CPNE4: variants seen among roughly 807,000 people sequenced by gnomAD.
The protein encoded by CPNE4 is copine 4, also known as copine-4.
Under a neutral mutation model 67.9 loss-of-function variants are expected in CPNE4, and 25 were observed. The observed-to-expected ratio is 0.37, with a 90% CI of 0.27 to 0.51. CPNE4 has a LOEUF of 0.51. Among genes scored for constraint, CPNE4 ranks in the 20% least tolerant of loss-of-function variants. The probability of loss-of-function intolerance (pLI) is 0.93; values close to 1 mark genes in which losing one functional copy is unlikely to be tolerated. For missense variants in CPNE4, 464 were observed against 690.8 expected (o/e 0.67, Z 3.68); for synonymous variants, 242 against 244.9 (o/e 0.99, Z 0.11).
At position 131,683,115 on chromosome 3, in the gene CPNE4, A is replaced by G. The variant is rs926395289; in HGVS notation, c.591+2760T>C. 2.0e-5 allele frequency among the ~76,000 whole-genome samples: 3 copies of G among 152,124 alleles called. No individual in the cohort carries two copies. The East Asian group carries it at 5.8e-4, about 29-fold the overall frequency. Reference sequence around the variant, plus strand: ...TTTAATCGGGGACCCCAAGAGCCCAATTGCTGCTCTATCTCACTGTGGCTG... The same window carrying G: ...TTTAATCGGGGACCCCAAGAGCCCAGTTGCTGCTCTATCTCACTGTGGCTG... On this transcript the variant is annotated intron_variant, in intron 6 of 15. Transcript: ENST00000429747.
chr3:131,541,868 A>C (rs186005287), intron 15 of CPNE4, among the ~76,000 whole-genome samples: 8 of 152,106 alleles, frequency 5.3e-5, no homozygotes, highest in East Asian at 3.9e-4. Flanking sequence ...ATGGAGTTTT[A>C]CCATGTTGGT....
At chr3:131,656,817 C>T (rs904694843) in intron 7 of CPNE4, among the ~76,000 whole-genome samples, 6 of 152,244 alleles carry the variant, frequency 3.9e-5, no homozygotes, top group African/African-American at 7.2e-5. Context: ...GTATGAACAA[C>T]GAAGTCTGAG....
At chr3:131,611,413 C>G (rs1939834531) in intron 7 of CPNE4, among the ~76,000 whole-genome samples, 1 of 152,160 alleles carries the variant, frequency 6.6e-6, no homozygotes, top group Admixed American at 6.5e-5. Context: ...TGTATAAATG[C>G]TTGTCATTGG....
chr3:132,036,233 C>A, upstream of CPNE4, among the ~76,000 whole-genome samples: 1 of 152,224 alleles, frequency 6.6e-6, no homozygotes, highest in Non-Finnish European at 1.5e-5. Context: ...GAAACTACCA[C>A]AGAAATCCTT....
chr3:131,633,132 T>A (rs1243651808), intron 7 of CPNE4, among the ~76,000 whole-genome samples: 1 of 152,216 alleles, frequency 6.6e-6, no homozygotes, highest in Non-Finnish European at 1.5e-5. Context: ...CCACATCAAA[T>A]CTTTCAGGAA....
intron 3 of CPNE4, among the ~76,000 whole-genome samples, chr3:131,717,889 T>C (rs879314925): frequency 0.036 from 1,687 of 47,240 alleles, 135 homozygotes; most frequent in East Asian, 0.11. Context: ...TTTCTTTCTT[T>C]CTTTCTTTCT....
chr3:131,566,185 G>C (rs1046670654), intron 10 of CPNE4, among the ~76,000 whole-genome samples: 7 of 151,894 alleles, frequency 4.6e-5, no homozygotes, highest in African/African-American at 1.7e-4. Flanking sequence ...TTGGCCTGGA[G>C]GTAGGGAGAC....
At chr3:131,601,773 G>C (rs1939220154) in intron 7 of CPNE4, among the ~76,000 whole-genome samples, 1 of 152,038 alleles carries the variant, frequency 6.6e-6, no homozygotes, top group African/African-American at 2.4e-5. Flanking sequence ...CAGATTACAT[G>C]CCCCAGAGAT....
rs545193517 is a variant in CPNE4, at chr3:131,952,608, G to A, written c.-1-47164C>T. On this transcript the variant is annotated intron_variant, in intron 1 of 15. Coordinates refer to ENST00000429747, the MANE Select transcript of CPNE4 (RefSeq NM_130808.3). ...CCCCGCCCGGCCAGCCGCCCCGTCC[G>A]GAGGGAGGTGGGGGGGTCAGCCCCC... Among the ~76,000 whole-genome samples, 113 of 14,626 alleles carry A rather than the reference G, an allele frequency of 7.7e-3. 2 individuals are homozygous for A. Among genetic ancestry groups the A allele is most frequent in the Admixed American group, 0.024 (16 of 674 alleles). The allele number at this position is 14,626 out of a possible 152,430, so 9.6% of individuals were successfully genotyped here.
At chr3:131,752,440 G>T (rs1033479739) in intron 2 of CPNE4, among the ~76,000 whole-genome samples, 1 of 152,086 alleles carries the variant, frequency 6.6e-6, no homozygotes, top group African/African-American at 2.4e-5. Flanking sequence ...AATGTTTGCT[G>T]GTTGTTGGCT....
chr3:131,671,424 A>G (rs2080411353), intron 6 of CPNE4, among the ~76,000 whole-genome samples: 1 of 151,346 alleles, frequency 6.6e-6, no homozygotes, highest in African/African-American at 2.4e-5. Context: ...CTCTGAAGTT[A>G]AAATCTTTAT....
Position 131,924,296 on chromosome 3 carries a change from G to A in CPNE4, c.-1-18852C>T, listed in dbSNP as rs1024817325. Among the ~76,000 whole-genome samples the A allele has an allele frequency of 2.6e-5, 4 of 152,272 alleles. No individual in the cohort carries two copies. In the East Asian group the frequency reaches 7.7e-4, roughly 29 times the overall value. Reference sequence around the variant, plus strand: ...CCTTATCAGTGAAGAAGGAGTGGGAGGGATAAGGCAAGAGAAGCAGAAACT... The same window carrying A: ...CCTTATCAGTGAAGAAGGAGTGGGAAGGATAAGGCAAGAGAAGCAGAAACT... On this transcript the variant is annotated intron_variant, in intron 1 of 15. Coordinates refer to ENST00000429747, the MANE Select transcript of CPNE4 (RefSeq NM_130808.3).
intron 1 of CPNE4, among the ~76,000 whole-genome samples, chr3:131,909,619 C>T (rs2088902322): frequency 6.6e-6 from 1 of 152,072 alleles, no homozygotes; most frequent in Non-Finnish European, 1.5e-5. Flanking sequence ...GGCAACCAAA[C>T]ACCACGAAAT....
chr3:131,644,815 G>A (rs944266418), intron 7 of CPNE4, among the ~76,000 whole-genome samples: 7 of 152,194 alleles, frequency 4.6e-5, no homozygotes, highest in African/African-American at 7.2e-5. Context: ...AATCAAGGAA[G>A]GTGAAGGAAA....
chr3:131,907,199 C>T (rs544513240), intron 1 of CPNE4, among the ~76,000 whole-genome samples: 13 of 152,202 alleles, frequency 8.5e-5, no homozygotes, highest in Admixed American at 2.6e-4. Flanking sequence ...TCTCTGAAGA[C>T]GACTGAACGT....
intron 2 of CPNE4, among the ~76,000 whole-genome samples, chr3:131,813,214 T>C (rs954201552): frequency 6.6e-6 from 1 of 151,698 alleles, no homozygotes; most frequent in African/African-American, 2.4e-5. Context: ...ATCCATAAAA[T>C]AATGGCAGAT....
intron 2 of CPNE4, among the ~76,000 whole-genome samples, chr3:131,895,708 TAA>T (rs2088300460): frequency 1.3e-5 from 2 of 152,066 alleles, no homozygotes; most frequent in African/African-American, 4.8e-5. Flanking sequence ...ATCATCTCAC[TAA>T]AGTTGATAAA....
At position 131,990,741 on chromosome 3, in the gene CPNE4, T is replaced by C. The variant is rs1182993824; in HGVS notation, c.-2+43826A>G. Among the ~76,000 whole-genome samples, 5 of 135,968 alleles carry C rather than the reference T, an allele frequency of 3.7e-5. 1 individual carries two copies. Among genetic ancestry groups the C allele is most frequent in the Non-Finnish European group, 8.3e-5 (5 of 59,914 alleles). 89.2% of individuals were successfully genotyped at this position (135,968 alleles called of 152,430 possible). ...CCTAGTGTAACTTATTTGTCCAGGA[T>C]ATCCATTGTTGAAGGAAAAAGGGAG... On this transcript the variant is annotated intron_variant, in intron 1 of 15. Coordinates refer to ENST00000429747, the MANE Select transcript of CPNE4 (RefSeq NM_130808.3).
chr3:131,917,419 C>T (rs921436049), intron 1 of CPNE4, among the ~76,000 whole-genome samples: 10 of 152,162 alleles, frequency 6.6e-5, no homozygotes, highest in African/African-American at 1.9e-4. Flanking sequence ...TCGTGTTTGT[C>T]GCTGCAATCA....
Sources: allele counts gnomAD v4.1 joint callset (sites outside exome capture counted in the v4.1 genomes callset), GRCh38; gene constraint gnomAD v4.1.1; transcripts MANE v1.5; gene names NCBI Gene and HGNC (gene_info 2026-07-23, HGNC 2026-07-21).